The following NRXN1 variants were observed in gnomAD, a reference collection of about 807,000 sequenced individuals.
The protein encoded by NRXN1 is neurexin-1.
Under a neutral mutation model 150.9 loss-of-function variants are expected in NRXN1, and 39 were observed. The ratio of observed to expected loss-of-function variants is 0.26; its 90% confidence interval spans 0.20 to 0.34. The LOEUF (loss-of-function observed/expected upper bound fraction) is 0.34. NRXN1 is among the 10% of genes least tolerant of loss of function. NRXN1 has a pLI of 1.00. For missense variants in NRXN1, 1,815 were observed against 1,949.9 expected, an observed-to-expected ratio of 0.93 and a Z score of 1.30; for synonymous variants, 924 against 757.0, an observed-to-expected ratio of 1.22 and a Z score of -3.62.
At chr2:50,301,873 A>G (rs2074183320) in intron 17 of NRXN1, among the ~76,000 whole-genome samples, 1 of 152,166 alleles carries the variant, frequency 6.6e-6, no homozygotes. Flanking sequence ...TATACAAATG[A>G]ATGAGACATT....
intron 18 of NRXN1, among the ~76,000 whole-genome samples, chr2:50,113,511 C>A (rs1055673039): frequency 6.6e-6 from 1 of 152,164 alleles, no homozygotes; most frequent in African/African-American, 2.4e-5. Flanking sequence ...AAATAATTAA[C>A]CATAACTCAC....
At chr2:50,716,527 T>A (rs912181006) in intron 5 of NRXN1, among the ~76,000 whole-genome samples, 2 of 152,008 alleles carry the variant, frequency 1.3e-5, no homozygotes, top group African/African-American at 4.8e-5. Flanking sequence ...AATTATAAAA[T>A]AAAAACAAAT....
At chr2:50,166,596 AT>A (rs199654542) in intron 18 of NRXN1, among the ~76,000 whole-genome samples, 2,180 of 152,252 alleles carry the variant, frequency 0.014, 61 homozygotes, top group African/African-American at 0.048. Flanking sequence ...AGCTAAAAAA[AT>A]ATATGTGTTT....
intron 21 of NRXN1, among the ~76,000 whole-genome samples, chr2:50,028,219 A>G (rs1047305737): frequency 1.2e-4 from 18 of 152,200 alleles, no homozygotes; most frequent in African/African-American, 4.1e-4. Context: ...GTTGCTCTTT[A>G]AAATTCTTTT....
chr2:50,001,356 C>A (rs900426040), intron 21 of NRXN1, among the ~76,000 whole-genome samples: 28 of 152,182 alleles, frequency 1.8e-4, no homozygotes, highest in African/African-American at 6.7e-4. Flanking sequence ...ATTTTATGAT[C>A]CCTTCCAGTT....
At chr2:49,924,912 T>A (rs1391849718) in intron 22 of NRXN1, among the ~76,000 whole-genome samples, 3 of 152,218 alleles carry the variant, frequency 2.0e-5, no homozygotes, top group Non-Finnish European at 2.9e-5. Context: ...AATATCTAAC[T>A]GATTAATTAA....
intron 12 of NRXN1, among the ~76,000 whole-genome samples, chr2:50,510,443 G>A (rs1270496793): frequency 1.7e-5 from 2 of 115,330 alleles, no homozygotes; most frequent in African/African-American, 6.8e-5. Flanking sequence ...CCGAGATCTC[G>A]CCATTGCACT....
At chr2:50,227,710 T>G (rs1232290833) in intron 18 of NRXN1, among the ~76,000 whole-genome samples, 1 of 151,910 alleles carries the variant, frequency 6.6e-6, no homozygotes, top group East Asian at 1.9e-4. Flanking sequence ...GCAGAGAGAT[T>G]AGTTAGAAGG....
At chr2:50,330,562 C>T (rs1056117305) in intron 17 of NRXN1, among the ~76,000 whole-genome samples, 14 of 152,102 alleles carry the variant, frequency 9.2e-5, no homozygotes, top group African/African-American at 3.4e-4. Flanking sequence ...AGTTTCTCTC[C>T]ATTAAAAAAA....
intron 2 of NRXN1, among the ~76,000 whole-genome samples, chr2:50,943,245 C>A (rs997333505): frequency 5.9e-5 from 9 of 152,144 alleles, no homozygotes; most frequent in Non-Finnish European, 1.2e-4. Context: ...AAGTCTCAAG[C>A]AGCTCCTTAC....
intron 17 of NRXN1, among the ~76,000 whole-genome samples, chr2:50,359,632 T>C (rs1283124773): frequency 2.6e-5 from 4 of 152,002 alleles, no homozygotes; most frequent in East Asian, 2.0e-4. Context: ...CTACATTTGA[T>C]TGGTCTACCT....
chr2:50,222,121 G>C (rs113458650), intron 18 of NRXN1, among the ~76,000 whole-genome samples: 3 of 152,038 alleles, frequency 2.0e-5, no homozygotes, highest in African/African-American at 7.2e-5. Flanking sequence ...CTACCCAGGA[G>C]GATATTAACC....
intron 1 of NRXN1, among the ~76,000 whole-genome samples, chr2:51,030,742 A>T (rs1226971995): frequency 6.6e-6 from 1 of 152,190 alleles, no homozygotes; most frequent in East Asian, 1.9e-4. Context: ...CTGAAATAGC[A>T]TATTATTCAG....
At chr2:50,181,424 C>T (rs1176098413) in intron 18 of NRXN1, among the ~76,000 whole-genome samples, 1 of 152,024 alleles carries the variant, frequency 6.6e-6, no homozygotes, top group Non-Finnish European at 1.5e-5. Context: ...CAGATCCATG[C>T]TTTTAGGTAG....
At chr2:50,737,324 A>C (rs776537443) in intron 5 of NRXN1, among the ~76,000 whole-genome samples, 1 of 152,220 alleles carries the variant, frequency 6.6e-6, no homozygotes, top group Non-Finnish European at 1.5e-5. Flanking sequence ...TAAAAGGATA[A>C]CATAATGCCC....
chr2:50,892,986 G>T (rs1390387401), intron 5 of NRXN1, among the ~76,000 whole-genome samples: 3 of 152,096 alleles, frequency 2.0e-5, no homozygotes, highest in Non-Finnish European at 4.4e-5. Flanking sequence ...AGGAAGATTG[G>T]GACCTGGCCA....
Position 50,510,418 on chromosome 2 carries a change from G to A in NRXN1, c.2375-3801C>T, listed in dbSNP as rs756062816. On this transcript the variant is annotated intron_variant, in intron 12 of 22. Coordinates refer to ENST00000401669, the MANE Select transcript of NRXN1 (RefSeq NM_001330078.2). ...GGAGAATTGCTTGAACCCAGGAGGC[G>A]GAGGTTGCAGTGAGCCGAGATCTCG... Among the ~76,000 whole-genome samples the A allele has an allele frequency of 4.8e-5, 7 of 146,500 alleles. No individual in the cohort carries two copies. The South Asian group carries it at 6.5e-4, about 14-fold the overall frequency.
intron 21 of NRXN1, among the ~76,000 whole-genome samples, chr2:49,958,130 C>T (rs368785790): frequency 1.9e-4 from 29 of 152,208 alleles, no homozygotes; most frequent in African/African-American, 6.7e-4. Context: ...AGAAACAGGA[C>T]AAGAATTTTG....
intron 5 of NRXN1, among the ~76,000 whole-genome samples, chr2:50,721,482 A>C (rs771250147): frequency 2.6e-5 from 4 of 152,166 alleles, no homozygotes; most frequent in South Asian, 2.1e-4. Flanking sequence ...ATAGTTATTA[A>C]AAGAAGGGAA....
Sources: gnomAD v4.1 joint callset for allele counts (sites outside exome capture counted in the v4.1 genomes callset) on GRCh38, gnomAD v4.1.1 for gene constraint, MANE v1.5 for transcripts, NCBI Gene and HGNC (gene_info 2026-07-23, HGNC 2026-07-21) for gene names.